Variants in HIPK2 observed in about 807,000 individuals in gnomAD.
HIPK2 encodes the protein homeodomain interacting protein kinase 2.
In HIPK2, 27 loss-of-function variants were observed where a neutral mutation model predicts 113.7. The observed-to-expected ratio is 0.24, with a 90% confidence interval of 0.17 to 0.33. HIPK2 has a LOEUF of 0.33. Ranked by LOEUF, HIPK2 falls within the 10% of genes least tolerant of loss-of-function variation. The pLI, the probability that HIPK2 is intolerant of heterozygous loss-of-function variation, is 1.00. For missense variants in HIPK2, 1,257 were observed against 1,588.0 expected (o/e 0.79, Z 3.54); for synonymous variants, 631 against 642.2 (o/e 0.98, Z 0.26).
intron 13 of HIPK2, among the ~76,000 whole-genome samples, chr7:139,582,038 C>G (rs1315432144): frequency 1.3e-5 from 2 of 152,298 alleles, no homozygotes; most frequent in East Asian, 3.9e-4. Context: ...ATCCTGGCTC[C>G]CGGGAATGAC....
Position 139,656,217 on chromosome 7 carries a change from G to A in HIPK2, c.1104-24492C>T, listed in dbSNP as rs188516269. 1.6e-4 allele frequency among the ~76,000 whole-genome samples: 24 copies of A among 152,068 alleles called. No individual in the cohort carries two copies. In the East Asian group the frequency reaches 4.3e-3, roughly 27 times the overall value. On this transcript the variant is annotated intron_variant, in intron 2 of 14. Transcript: ENST00000406875. ...ATTCCCAGCCCCAATCTCTCCCTGG[G>A]TTCTAGTACCATATTCTCATTGACT...
chr7:139,648,373 T>C (rs1254764981), intron 2 of HIPK2, among the ~76,000 whole-genome samples: 4 of 152,170 alleles, frequency 2.6e-5, no homozygotes, highest in Admixed American at 2.6e-4. Flanking sequence ...AGACTTCAGA[T>C]GATCACAGAA....
rs538561996 is a variant in HIPK2 at position 139,631,382 on chromosome 7, A to G, written c.1228-98T>C. ...GGCTTTGAGAAAAATGAAAATGACA[A>G]TTTTTGTAGGGAAAGAAGTTAACAA... On this transcript the variant is annotated intron_variant, in intron 3 of 14. Transcript: ENST00000406875. This position sits in a 1 kb window ranked among gnomAD's most constrained non-coding sequence, Gnocchi z 4.9. The G allele has an allele frequency of 2.0e-6, 3 of 1,479,124 alleles. No homozygotes were observed. The highest frequency in any genetic ancestry group is 2.5e-5 in the East Asian group (1 of 40,408). The allele number at this position is 1,479,124 out of a possible 1,614,324, so 91.6% of individuals were successfully genotyped here.
intron 1 of HIPK2, among the ~76,000 whole-genome samples, chr7:139,761,374 C>T (rs529137458): frequency 2.6e-5 from 4 of 152,296 alleles, no homozygotes; most frequent in South Asian, 2.1e-4. Context: ...TGTAACTGGA[C>T]GATGGTGGGT....
Position 139,683,627 on chromosome 7 carries a change from G to T in HIPK2, c.1103+32305C>A, listed in dbSNP as rs185067209. Among the ~76,000 whole-genome samples the T allele has an allele frequency of 1.3e-3, 195 of 152,304 alleles. No homozygotes were observed. Among genetic ancestry groups the T allele is most frequent in the South Asian group, 2.7e-3 (13 of 4,822 alleles). On this transcript the variant is annotated intron_variant, in intron 2 of 14. Coordinates refer to ENST00000406875, the MANE Select transcript of HIPK2 (RefSeq NM_022740.5). This position sits in a 1 kb window ranked among gnomAD's most constrained non-coding sequence, Gnocchi z 4.2. ...ACAGACCAATCCTGGTGAATACCAG[G>T]AGGTGAGGGTCATTAGGGGCCTTCC... is the stretch of plus-strand genomic sequence containing the variant.
chr7:139,754,278 T>A (rs1198981216), intron 1 of HIPK2, among the ~76,000 whole-genome samples: 1 of 152,202 alleles, frequency 6.6e-6, no homozygotes, highest in Non-Finnish European at 1.5e-5. Context: ...GGAGCACAAA[T>A]GGTAGGCGCT....
intron 1 of HIPK2, among the ~76,000 whole-genome samples, chr7:139,745,490 A>G (rs1796174668): frequency 6.6e-6 from 1 of 152,196 alleles, no homozygotes; most frequent in African/African-American, 2.4e-5. Flanking sequence ...TTCACACTGC[A>G]ACCGCAGGGC....
chr7:139,579,829 AC>A (rs1212246628), intron 13 of HIPK2, among the ~76,000 whole-genome samples: 1 of 151,594 alleles, frequency 6.6e-6, no homozygotes, highest in Admixed American at 6.6e-5. Context: ...GGCCCCTCCC[AC>A]CCCATCCACT....
chr7:139,590,951 C>A (rs1798999404), intron 12 of HIPK2, among the ~76,000 whole-genome samples: 1 of 152,180 alleles, frequency 6.6e-6, no homozygotes, highest in African/African-American at 2.4e-5. Context: ...CGGAAGCAAT[C>A]CTCCCATCTC....
chr7:139,699,513 C>T (rs1794650527), intron 2 of HIPK2, among the ~76,000 whole-genome samples: 4 of 152,152 alleles, frequency 2.6e-5, no homozygotes, highest in South Asian at 2.1e-4. Context: ...CAAGAAGTTA[C>T]GTTTTGTCCA....
chr7:139,635,539 A>G (rs972855937), intron 2 of HIPK2, among the ~76,000 whole-genome samples: 4 of 152,214 alleles, frequency 2.6e-5, no homozygotes, highest in Admixed American at 1.3e-4. Context: ...CTGACGTGAC[A>G]TGAACGGGGC....
At chr7:139,721,315 T>C (rs1445827305) in intron 1 of HIPK2, among the ~76,000 whole-genome samples, 1 of 152,264 alleles carries the variant, frequency 6.6e-6, no homozygotes, top group Non-Finnish European at 1.5e-5. Flanking sequence ...GCTGGTGGTT[T>C]TGTAGCTTAA....
chr7:139,603,403 G>A (rs1483409250), intron 10 of HIPK2, among the ~76,000 whole-genome samples: 1 of 152,120 alleles, frequency 6.6e-6, no homozygotes, highest in African/African-American at 2.4e-5. Context: ...AAATAACAGA[G>A]GAGCGCATCT....
chr7:139,618,577 AC>A (rs1458829080), intron 7 of HIPK2, among the ~76,000 whole-genome samples: 19 of 152,210 alleles, frequency 1.2e-4, no homozygotes, highest in Non-Finnish European at 2.2e-4. Context: ...TTGATGAGCA[AC>A]CCTTTTAGTT....
chr7:139,772,764 T>G (rs1585471627), intron 1 of HIPK2, among the ~76,000 whole-genome samples: 1 of 151,560 alleles, frequency 6.6e-6, no homozygotes, highest in South Asian at 2.1e-4. Context: ...TTTTTTTTTT[T>G]TTTGTATTTT....
At chr7:139,594,768 G>A (rs533745807) in intron 12 of HIPK2, among the ~76,000 whole-genome samples, 1 of 152,112 alleles carries the variant, frequency 6.6e-6, no homozygotes, top group Non-Finnish European at 1.5e-5. Context: ...CTGGCAGGCT[G>A]GCAGTCCCCG....
At chr7:139,689,079 C>T (rs1192601545) in intron 2 of HIPK2, among the ~76,000 whole-genome samples, 2 of 152,154 alleles carry the variant, frequency 1.3e-5, no homozygotes, top group Non-Finnish European at 2.9e-5. Context: ...GACCAAGAGC[C>T]AAAGCTAAAG....
intron 1 of HIPK2, chr7:139,722,106 A>G: frequency 5.0e-6 from 2 of 401,198 alleles, no homozygotes; most frequent in Non-Finnish European, 1.0e-5. Context: ...CACAGACACG[A>G]GTTCATGTGG....
rs1798156683 is a variant in HIPK2, at chr7:139,568,311, A to G, written c.*4616T>C. 6.6e-6 allele frequency: 1 copy of G among 152,148 alleles called. No homozygotes were observed. The allele number at this position is 152,148 out of a possible 1,614,324, so 9.4% of individuals were successfully genotyped here. On this transcript the variant is annotated 3_prime_UTR_variant, in exon 15 of 15. Coordinates refer to ENST00000406875, the MANE Select transcript of HIPK2 (RefSeq NM_022740.5). ...AGGAGATGAATGCCGCTTTGCTCCA[A>G]CCCTTCTTTTTCCTCTGAATTCCAC...
Sources: allele counts gnomAD v4.1 joint callset (sites outside exome capture counted in the v4.1 genomes callset), GRCh38; gene constraint gnomAD v4.1.1; non-coding constraint Gnocchi (gnomAD v3.1); transcripts MANE v1.5; gene names NCBI Gene and HGNC (gene_info 2026-07-23, HGNC 2026-07-21).